The following EPHA6 variants were observed in gnomAD, a reference collection of about 807,000 sequenced individuals.
The protein encoded by EPHA6 is EPH receptor A6, also known as ephrin type-A receptor 6.
A neutral mutation model predicts 112.0 loss-of-function variants in EPHA6; 50 were observed. That is an observed-to-expected ratio of 0.45 (90% CI 0.36 to 0.56). The LOEUF is 0.56. Ranked by LOEUF, EPHA6 falls within the 20% of genes least tolerant of loss-of-function variation. The pLI, the probability that EPHA6 is intolerant of heterozygous loss-of-function variation, is 0.00. For synonymous variants in EPHA6, 529 were observed against 490.7 expected (o/e 1.08, Z -1.03); for missense variants, 1,280 against 1,417.4 (o/e 0.90, Z 1.56).
chr3:97,141,017 A>G (rs1364913334), intron 3 of EPHA6, among the ~76,000 whole-genome samples: 1 of 152,180 alleles, frequency 6.6e-6, no homozygotes, highest in Non-Finnish European at 1.5e-5. Flanking sequence ...AATGATGACC[A>G]GGAGTAGCTA....
intron 3 of EPHA6, among the ~76,000 whole-genome samples, chr3:97,025,780 G>T (rs1015836929): frequency 4.6e-5 from 7 of 151,924 alleles, no homozygotes; most frequent in African/African-American, 1.2e-4. Context: ...GTAGAGATGG[G>T]GTTTCACTCT....
intron 5 of EPHA6, among the ~76,000 whole-genome samples, chr3:97,264,686 A>G (rs1006528335): frequency 4.6e-5 from 7 of 152,212 alleles, no homozygotes; most frequent in African/African-American, 1.7e-4. Context: ...TTGTCCTGTA[A>G]CTAGGAAGAA....
chr3:96,852,350 G>A (rs1182996507), intron 1 of EPHA6, among the ~76,000 whole-genome samples: 1 of 151,878 alleles, frequency 6.6e-6, no homozygotes, highest in East Asian at 1.9e-4. Context: ...AATAACTTGA[G>A]CCCAGAAGGC....
intron 3 of EPHA6, among the ~76,000 whole-genome samples, chr3:97,088,072 T>C (rs1309963251): frequency 6.6e-6 from 1 of 151,940 alleles, no homozygotes; most frequent in African/African-American, 2.4e-5. Context: ...TCCCAGCTAC[T>C]CAGGAGGCTT....
At chr3:97,075,364 A>T (rs550223964) in intron 3 of EPHA6, among the ~76,000 whole-genome samples, 2 of 152,154 alleles carry the variant, frequency 1.3e-5, no homozygotes, top group East Asian at 3.9e-4. Flanking sequence ...TTTGTGTTTA[A>T]ACTTTGACTT....
At chr3:97,440,592 A>T (rs995999514) in intron 6 of EPHA6, among the ~76,000 whole-genome samples, 27 of 151,006 alleles carry the variant, frequency 1.8e-4, no homozygotes, top group African/African-American at 6.0e-4. Flanking sequence ...TATTTTAAAA[A>T]TTTTAATTTT....
intron 14 of EPHA6, among the ~76,000 whole-genome samples, chr3:97,677,572 T>G (rs538015548): frequency 6.6e-6 from 1 of 151,442 alleles, no homozygotes; most frequent in East Asian, 1.9e-4. Flanking sequence ...AATACAAAAA[T>G]TAGCCAGGCA....
chr3:97,174,521 G>T (rs553494077), intron 3 of EPHA6, among the ~76,000 whole-genome samples: 2 of 151,778 alleles, frequency 1.3e-5, no homozygotes, highest in Non-Finnish European at 3.0e-5. Context: ...CACACAGTAT[G>T]CAAGGGTTCC....
intron 3 of EPHA6, among the ~76,000 whole-genome samples, chr3:97,178,859 T>A (rs1432195130): frequency 6.6e-6 from 1 of 152,120 alleles, no homozygotes; most frequent in Non-Finnish European, 1.5e-5. Flanking sequence ...TTCTATGACC[T>A]TCTTGTATTT....
At chr3:97,629,088 G>T (rs569046316) in intron 13 of EPHA6, among the ~76,000 whole-genome samples, 1 of 151,664 alleles carries the variant, frequency 6.6e-6, no homozygotes, top group Non-Finnish European at 1.5e-5. Context: ...ACACCACCGC[G>T]CTAGCTAATT....
At chr3:97,103,573 A>T (rs1432946283) in intron 3 of EPHA6, among the ~76,000 whole-genome samples, 1 of 152,100 alleles carries the variant, frequency 6.6e-6, no homozygotes, top group East Asian at 1.9e-4. Flanking sequence ...GGGTTATATG[A>T]TGCCTCCAGC....
intron 3 of EPHA6, among the ~76,000 whole-genome samples, chr3:97,213,772 A>G (rs576848894): frequency 6.6e-6 from 1 of 152,280 alleles, no homozygotes; most frequent in South Asian, 2.1e-4. Context: ...CGGGAGAAAG[A>G]GGATGCCATG....
intron 3 of EPHA6, among the ~76,000 whole-genome samples, chr3:97,187,697 G>GAAAGAA (rs1553718558): frequency 9.4e-6 from 1 of 105,948 alleles, no homozygotes; most frequent in East Asian, 2.5e-4. Flanking sequence ...AGGAAAGAAA[G>GAAAGAA]AAAGAAAGAA....
intron 1 of EPHA6, among the ~76,000 whole-genome samples, chr3:96,835,653 A>G (rs1374018002): frequency 1.3e-5 from 2 of 152,088 alleles, no homozygotes; most frequent in African/African-American, 4.8e-5. Context: ...TCAAGAAGCC[A>G]AAAGTTCTTG....
intron 5 of EPHA6, among the ~76,000 whole-genome samples, chr3:97,315,437 T>C (rs1042711609): frequency 1.3e-5 from 2 of 151,722 alleles, no homozygotes; most frequent in African/African-American, 2.4e-5. Context: ...CTTTTAAATA[T>C]CTTCACGGAT....
At chr3:96,854,570 T>C (rs967162994) in intron 1 of EPHA6, among the ~76,000 whole-genome samples, 2 of 152,162 alleles carry the variant, frequency 1.3e-5, no homozygotes, top group Non-Finnish European at 2.9e-5. Context: ...TTGATCCAAC[T>C]TTATACATAG....
intron 10 of EPHA6, among the ~76,000 whole-genome samples, chr3:97,488,117 C>A (rs1317240891): frequency 1.3e-5 from 2 of 152,258 alleles, no homozygotes; most frequent in African/African-American, 4.8e-5. Context: ...TGTCGCTAAG[C>A]CCATAGGGCA....
chr3:97,390,058 T>G (rs1323062694), intron 5 of EPHA6, among the ~76,000 whole-genome samples: 1 of 152,140 alleles, frequency 6.6e-6, no homozygotes, highest in Non-Finnish European at 1.5e-5. Context: ...TGATTTACTC[T>G]GCTATTTGAT....
At chr3:97,016,040 G>GAA (rs1553688571) in intron 3 of EPHA6, among the ~76,000 whole-genome samples, 8 of 92,052 alleles carry the variant, frequency 8.7e-5, no homozygotes, top group South Asian at 3.4e-4. Context: ...CATTCTTCCT[G>GAA]AAAAAAAAAA....
Sources: gnomAD v4.1 joint callset for allele counts (sites outside exome capture counted in the v4.1 genomes callset) on GRCh38, gnomAD v4.1.1 for gene constraint, MANE v1.5 for transcripts, NCBI Gene and HGNC (gene_info 2026-07-23, HGNC 2026-07-21) for gene names.